NME9: variants seen among roughly 807,000 people sequenced by gnomAD.
The protein encoded by NME9 is thioredoxin domain-containing protein 6.
Under a neutral mutation model 44.4 loss-of-function variants are expected in NME9, and 48 were observed. That is an observed-to-expected ratio of 1.08 (90% CI 0.86 to 1.37). The LOEUF (loss-of-function observed/expected upper bound fraction) is 1.37. Ranked by LOEUF, NME9 falls within the 40% of genes most tolerant of loss-of-function variation. The pLI is 0.00. For synonymous variants in NME9, 139 were observed against 147.1 expected, an observed-to-expected ratio of 0.94 and a Z score of 0.40; for missense variants, 325 against 405.2, an observed-to-expected ratio of 0.80 and a Z score of 1.70.
downstream of NME9, among the ~76,000 whole-genome samples, chr3:138,300,304 G>A (rs951782792): frequency 2.6e-5 from 4 of 152,182 alleles, no homozygotes; most frequent in Non-Finnish European, 5.9e-5. Flanking sequence ...TGACTTATCC[G>A]TGTGTCCCCT....
chr3:138,271,813 T>G (rs77717198), intron 8 of NME9, among the ~76,000 whole-genome samples: 1 of 150,996 alleles, frequency 6.6e-6, no homozygotes, highest in Non-Finnish European at 1.5e-5. Context: ...TTTTTTTTTT[T>G]GATACAGAGT....
chr3:138,310,193 A>G (rs543845023), intron 6 of NME9, among the ~76,000 whole-genome samples: 2 of 152,220 alleles, frequency 1.3e-5, no homozygotes, highest in Admixed American at 6.5e-5. Context: ...ATAATGATAA[A>G]GGAGTCAGTT....
At chr3:138,320,327 CAT>C (rs2053384904) in intron 2 of NME9, among the ~76,000 whole-genome samples, 1 of 152,178 alleles carries the variant, frequency 6.6e-6, no homozygotes. Flanking sequence ...TAGATGGTGA[CAT>C]ACCAGTGGCC....
intron 8 of NME9, among the ~76,000 whole-genome samples, chr3:138,267,756 A>C (rs193087641): frequency 7.9e-5 from 12 of 152,238 alleles, no homozygotes; most frequent in Admixed American, 7.9e-4. Flanking sequence ...TTAATAGGAA[A>C]AACTAAAATA....
chr3:138,277,431 G>A (rs1384163134), intron 8 of NME9, among the ~76,000 whole-genome samples: 1 of 152,190 alleles, frequency 6.6e-6, no homozygotes, highest in Non-Finnish European at 1.5e-5. Context: ...CTTCTGCGTC[G>A]TGAAATGCAC....
At chr3:138,309,067 G>A (rs866017050) in intron 6 of NME9, among the ~76,000 whole-genome samples, 12 of 152,036 alleles carry the variant, frequency 7.9e-5, no homozygotes, top group Non-Finnish European at 1.3e-4. Flanking sequence ...GAGGTGGGCA[G>A]ATCACCTGAC....
intron 1 of NME9, 43 bp downstream of exon 1, chr3:138,329,260 G>T: frequency 6.6e-7 from 1 of 1,512,182 alleles, no homozygotes; most frequent in Non-Finnish European, 8.9e-7. Context: ...CCTCTTCCCC[G>T]AGCCCAACCC....
Position 138,306,481 on chromosome 3 carries a change from C to T in NME9, c.461-1G>A. Reference sequence around the variant, plus strand: ...AAGGTACAGGTCCTCTCTGATGAAACTAAGCCAAAAAATGGTGCTGTCAGA... The same window carrying T: ...AAGGTACAGGTCCTCTCTGATGAAATTAAGCCAAAAAATGGTGCTGTCAGA... On this transcript the variant is annotated splice_acceptor_variant, in intron 6 of 10. Transcript: ENST00000333911. LOFTEE classifies it high-confidence loss of function. The T allele has an allele frequency of 1.9e-6, 3 of 1,596,416 alleles. No homozygotes were observed. The highest frequency in any genetic ancestry group is 1.7e-6 in the Non-Finnish European group (2 of 1,172,260).
intron 8 of NME9, chr3:138,263,709 T>C (rs1418804543): frequency 1.3e-6 from 2 of 1,562,646 alleles, no homozygotes; most frequent in Admixed American, 3.3e-5. Flanking sequence ...TTCATGTTGT[T>C]ATTTATGCAG....
At chr3:138,328,528 C>T (rs1258647884) in intron 1 of NME9, among the ~76,000 whole-genome samples, 1 of 152,102 alleles carries the variant, frequency 6.6e-6, no homozygotes, top group Non-Finnish European at 1.5e-5. Context: ...GGCGCTGTAG[C>T]CTTGGTATGC....
intron 6 of NME9, among the ~76,000 whole-genome samples, chr3:138,310,756 T>C (rs2052644731): frequency 6.6e-6 from 1 of 151,726 alleles, no homozygotes; most frequent in African/African-American, 2.4e-5. Context: ...CAGGATACAG[T>C]AAAAGGAGTA....
At position 138,290,648 on chromosome 3, in the gene NME9, G is replaced by T; in HGVS notation, c.745+12859C>A. 3 of 1,584,270 alleles carry T rather than the reference G, an allele frequency of 1.9e-6. No individual in the cohort carries two copies. The South Asian group carries it at 3.5e-5, about 18-fold the overall frequency. ...TCAAACCTTTGTGACAAGTGAGTAT[G>T]AATGTGAAAAGGCCTTGCTTTGGGC... On this transcript the variant is annotated intron_variant, in intron 8 of 8. Coordinates refer to the NME9 transcript ENST00000317876.
intron 2 of NME9, 196 bp downstream of exon 2, chr3:138,324,677 T>A (rs938128006): frequency 3.1e-6 from 2 of 641,136 alleles, no homozygotes; most frequent in African/African-American, 3.8e-5. Flanking sequence ...CTGAATTTAC[T>A]GATATTCAAG....
At chr3:138,329,207 A>G (rs1420634806) in intron 1 of NME9, 96 bp downstream of exon 1, 2 of 1,103,094 alleles carry the variant, frequency 1.8e-6, no homozygotes, top group African/African-American at 3.1e-5. Flanking sequence ...CTGCTGGCAA[A>G]CAGAATGTCA....
intron 6 of NME9, among the ~76,000 whole-genome samples, chr3:138,313,785 G>A (rs137921447): frequency 5.7e-4 from 87 of 152,318 alleles, no homozygotes; most frequent in African/African-American, 1.9e-3. Flanking sequence ...AGATCATTAT[G>A]TTAAGTGAAA....
exon 9 of NME9, chr3:138,262,395 A>G (rs1234160668): frequency 7.7e-6 from 7 of 912,174 alleles, no homozygotes; most frequent in Non-Finnish European, 1.2e-5. Context: ...TACAGCTAAA[A>G]TGTGGTTCCC....
At chr3:138,274,902 T>G (rs1463384260) in intron 8 of NME9, among the ~76,000 whole-genome samples, 1 of 152,154 alleles carries the variant, frequency 6.6e-6, no homozygotes, top group Non-Finnish European at 1.5e-5. Context: ...TCCGCCGCCA[T>G]GCTCTCAACT....
At chr3:138,264,247 TCA>T in intron 8 of NME9, 1 of 1,556,844 alleles carries the variant, frequency 6.4e-7, no homozygotes, top group Middle Eastern at 1.7e-4. Flanking sequence ...ACAGCTGTAC[TCA>T]CAGACCCTAG....
At chr3:138,280,248 A>C (rs2049752527) in intron 8 of NME9, among the ~76,000 whole-genome samples, 1 of 131,200 alleles carries the variant, frequency 7.6e-6, no homozygotes, top group Non-Finnish European at 1.8e-5. Context: ...GGTTTAGCAA[A>C]GAATCAGTTT....
Sources: gnomAD v4.1 joint callset for allele counts (sites outside exome capture counted in the v4.1 genomes callset) on GRCh38, gnomAD v4.1.1 for gene constraint, MANE v1.5 for transcripts, NCBI Gene and HGNC (gene_info 2026-07-23, HGNC 2026-07-21) for gene names.